Variants in ZMAT4 observed in about 807,000 individuals in gnomAD.
ZMAT4 encodes zinc finger matrin-type protein 4.
Under a neutral mutation model 28.7 loss-of-function variants are expected in ZMAT4, and 17 were observed. The ratio of observed to expected loss-of-function variants is 0.59; its 90% CI spans 0.41 to 0.89. The LOEUF (loss-of-function observed/expected upper bound fraction) is 0.89. ZMAT4 is among the 40% of genes least tolerant of loss of function. ZMAT4 has a pLI of 0.00. For synonymous variants in ZMAT4, 117 were observed against 109.2 expected (o/e 1.07, Z -0.44); for missense variants, 240 against 283.8 (o/e 0.85, Z 1.11).
At chr8:40,617,784 T>G (rs1806062010) in intron 5 of ZMAT4, among the ~76,000 whole-genome samples, 1 of 152,162 alleles carries the variant, frequency 6.6e-6, no homozygotes, top group South Asian at 2.1e-4. Context: ...GATAGCATTT[T>G]ACGAAGGGCA....
intron 4 of ZMAT4, among the ~76,000 whole-genome samples, chr8:40,684,639 G>A (rs1809320675): frequency 6.6e-6 from 1 of 152,236 alleles, no homozygotes; most frequent in Admixed American, 6.5e-5. Context: ...TTCAACTAGA[G>A]AGCCAGCTTC....
intron 3 of ZMAT4, among the ~76,000 whole-genome samples, chr8:40,739,889 T>C (rs191734203): frequency 3.3e-5 from 5 of 152,312 alleles, no homozygotes; most frequent in African/African-American, 1.2e-4. Flanking sequence ...AGTGAGAACA[T>C]GCGGTGTTTG....
In ZMAT4 at chr8:40,662,360, A is replaced by G. The variant is rs146733318; in HGVS notation, c.577+12344T>C. ...TCTTGGTCAACATCTAATAACAGAG[A>G]ACAGTATTTCCATATTTCAAATATA... On this transcript the variant is annotated intron_variant, in intron 5 of 6. Coordinates refer to ENST00000297737, the MANE Select transcript of ZMAT4 (RefSeq NM_024645.3). Among the ~76,000 whole-genome samples the G allele has an allele frequency of 5.4e-3, 816 of 152,220 alleles. 7 individuals carry two copies. Among genetic ancestry groups the G allele is most frequent in the African/African-American group, 0.019 (784 of 41,534 alleles).
chr8:40,702,964 A>G (rs1810208643), intron 3 of ZMAT4, among the ~76,000 whole-genome samples: 1 of 152,198 alleles, frequency 6.6e-6, no homozygotes, highest in African/African-American at 2.4e-5. Flanking sequence ...AATCGATTAA[A>G]AAGCATAGTG....
intron 4 of ZMAT4, among the ~76,000 whole-genome samples, chr8:40,693,605 T>G (rs1404425147): frequency 6.6e-6 from 1 of 152,228 alleles, no homozygotes; most frequent in East Asian, 1.9e-4. Flanking sequence ...AGTCAAACTT[T>G]GTATGTAAAG....
intron 3 of ZMAT4, among the ~76,000 whole-genome samples, chr8:40,708,508 C>T (rs747589006): frequency 6.6e-6 from 1 of 151,294 alleles, no homozygotes; most frequent in East Asian, 1.9e-4. Flanking sequence ...AATACACTTC[C>T]GTAAACAAAC....
rs114790627 is a variant in ZMAT4, at chr8:40,638,585, G to A, written c.577+36119C>T. Among the ~76,000 whole-genome samples, 209 of 152,276 alleles carry A rather than the reference G, an allele frequency of 1.4e-3. 1 individual carries two copies. Among genetic ancestry groups the A allele is most frequent in the African/African-American group, 4.9e-3 (205 of 41,562 alleles). ...TCAGAGAATCAATGGCAACCAAGAA[G>A]ACAAGTACCACAAGAGTGACTCTGA... On this transcript the variant is annotated intron_variant, in intron 5 of 6. Transcript: ENST00000297737.
chr8:40,617,087 T>C (rs1392054613), intron 5 of ZMAT4, among the ~76,000 whole-genome samples: 2 of 152,110 alleles, frequency 1.3e-5, no homozygotes, highest in Non-Finnish European at 2.9e-5. Flanking sequence ...GATGTCACAA[T>C]GTGATATCGT....
intron 3 of ZMAT4, among the ~76,000 whole-genome samples, chr8:40,746,315 C>CCTTTCCTTTA (rs1812228449): frequency 8.2e-6 from 1 of 122,650 alleles, no homozygotes; most frequent in East Asian, 2.3e-4. Context: ...CCTTTCCTTT[C>CCTTTCCTTTA]CTTTCCTTTC....
At chr8:40,868,814 C>T (rs953304031) in intron 1 of ZMAT4, among the ~76,000 whole-genome samples, 1 of 152,210 alleles carries the variant, frequency 6.6e-6, no homozygotes, top group Admixed American at 6.5e-5. Context: ...AGCAGGCACA[C>T]CAGCCAGCCT....
At chr8:40,807,561 G>A (rs115346227) in intron 2 of ZMAT4, among the ~76,000 whole-genome samples, 34 of 152,252 alleles carry the variant, frequency 2.2e-4, no homozygotes, top group Admixed American at 1.1e-3. Flanking sequence ...CTTACAAGCC[G>A]GCATGGCTCT....
intron 5 of ZMAT4, among the ~76,000 whole-genome samples, chr8:40,636,090 T>C (rs1806780917): frequency 1.3e-5 from 2 of 152,208 alleles, no homozygotes; most frequent in African/African-American, 2.4e-5. Flanking sequence ...AAATTCAAGA[T>C]ATTCCCCCAA....
At chr8:40,673,837 G>T (rs1288042646) in intron 5 of ZMAT4, among the ~76,000 whole-genome samples, 1 of 152,090 alleles carries the variant, frequency 6.6e-6, no homozygotes, top group Non-Finnish European at 1.5e-5. Context: ...AACTTCAAAT[G>T]ATACATGGTT....
intron 6 of ZMAT4, among the ~76,000 whole-genome samples, chr8:40,556,626 T>C (rs1803546951): frequency 6.6e-6 from 1 of 152,200 alleles, no homozygotes; most frequent in African/African-American, 2.4e-5. Flanking sequence ...CCTAGATTTT[T>C]CCTTCTTAAA....
chr8:40,592,906 TG>T (rs1804945025), intron 5 of ZMAT4, among the ~76,000 whole-genome samples: 1 of 152,224 alleles, frequency 6.6e-6, no homozygotes, highest in South Asian at 2.1e-4. Flanking sequence ...GGAATTAAGC[TG>T]TTTTTTTGTT....
intron 4 of ZMAT4, among the ~76,000 whole-genome samples, chr8:40,694,621 A>C (rs1041773837): frequency 6.6e-6 from 1 of 152,086 alleles, no homozygotes; most frequent in African/African-American, 2.4e-5. Flanking sequence ...ACACCCCCAC[A>C]ATGCCTACTT....
chr8:40,811,652 C>A (rs1266602359), intron 2 of ZMAT4, among the ~76,000 whole-genome samples: 1 of 152,074 alleles, frequency 6.6e-6, no homozygotes, highest in East Asian at 1.9e-4. Context: ...AACTAACTAC[C>A]CATCCCTGAA....
chr8:40,841,500 TC>T (rs1276607563), intron 1 of ZMAT4, among the ~76,000 whole-genome samples: 2 of 152,044 alleles, frequency 1.3e-5, no homozygotes, highest in African/African-American at 4.8e-5. Context: ...CTCTGAGACA[TC>T]CCCCTACTCC....
chr8:40,821,259 T>C (rs1422640863), intron 2 of ZMAT4, among the ~76,000 whole-genome samples: 4 of 150,134 alleles, frequency 2.7e-5, no homozygotes, highest in African/African-American at 7.5e-5. Flanking sequence ...ACCACACAAA[T>C]GGCCTCCCTG....
Sources: gnomAD v4.1 joint callset for allele counts (sites outside exome capture counted in the v4.1 genomes callset) on GRCh38, gnomAD v4.1.1 for gene constraint, MANE v1.5 for transcripts, NCBI Gene and HGNC (gene_info 2026-07-23, HGNC 2026-07-21) for gene names.